The following AGTPBP1 variants were observed in gnomAD, a reference collection of about 807,000 sequenced individuals.
AGTPBP1 encodes the protein ATP/GTP binding carboxypeptidase 1.
A neutral mutation model predicts 143.9 loss-of-function variants in AGTPBP1; 70 were observed. The ratio of observed to expected loss-of-function variants is 0.49; its 90% CI spans 0.40 to 0.59. AGTPBP1 has a LOEUF of 0.59. AGTPBP1 is among the 20% of genes least tolerant of loss of function. The pLI is 0.00. For missense variants in AGTPBP1, 1,229 were observed against 1,464.5 expected (o/e 0.84, Z 2.62); for synonymous variants, 463 against 500.2 (o/e 0.93, Z 0.99).
At chr9:85,700,986 C>T (rs1836607937) in intron 2 of AGTPBP1, among the ~76,000 whole-genome samples, 2 of 151,782 alleles carry the variant, frequency 1.3e-5, no homozygotes, top group Admixed American at 6.6e-5. Context: ...GGCGCAATCT[C>T]GGCTCACTGC....
intron 18 of AGTPBP1, among the ~76,000 whole-genome samples, 167 bp downstream of exon 18, chr9:85,596,195 A>G (rs1252544880): frequency 1.3e-5 from 2 of 152,214 alleles, no homozygotes; most frequent in East Asian, 1.9e-4. Flanking sequence ...CATACACTCC[A>G]TAAGTGGATC....
At chr9:85,576,733 A>G (rs893485751) in intron 24 of AGTPBP1, among the ~76,000 whole-genome samples, 15 of 152,182 alleles carry the variant, frequency 9.9e-5, no homozygotes, top group African/African-American at 3.4e-4. Flanking sequence ...TTGGGAATAT[A>G]TGGGAGCTCT....
chr9:85,698,609 C>T (rs1228809176), intron 2 of AGTPBP1, among the ~76,000 whole-genome samples: 1 of 146,468 alleles, frequency 6.8e-6, no homozygotes, highest in South Asian at 2.2e-4. Flanking sequence ...ATTTGAGATA[C>T]TACACTGCAA....
At chr9:85,606,615 T>C (rs1041198394) in intron 17 of AGTPBP1, among the ~76,000 whole-genome samples, 3 of 152,110 alleles carry the variant, frequency 2.0e-5, no homozygotes, top group Admixed American at 6.5e-5. Flanking sequence ...CCCATGTTTA[T>C]TGTAGCACTA....
At chr9:85,771,803 C>T in the AGTPBP1 span, among the ~76,000 whole-genome samples, 17 of 151,454 alleles carry the variant, frequency 1.1e-4, no homozygotes, top group Non-Finnish European at 7.4e-5. Context: ...AAGTGCCCGC[C>T]ACCACGCCTG....
At chr9:85,673,784 C>T (rs1463979978) in intron 6 of AGTPBP1, among the ~76,000 whole-genome samples, 2 of 152,020 alleles carry the variant, frequency 1.3e-5, no homozygotes, top group Non-Finnish European at 2.9e-5. Flanking sequence ...GAAATCTGCA[C>T]TTGTACTCCA....
chr9:85,788,738 T>C, the AGTPBP1 span, among the ~76,000 whole-genome samples: 1 of 150,014 alleles, frequency 6.7e-6, no homozygotes, highest in African/African-American at 2.4e-5. Flanking sequence ...TTATTTAATA[T>C]GATTTTATAT....
the AGTPBP1 span, among the ~76,000 whole-genome samples, chr9:85,766,309 G>C: frequency 6.6e-6 from 1 of 152,058 alleles, no homozygotes; most frequent in South Asian, 2.1e-4. Flanking sequence ...GATCATTTGG[G>C]GGAAGATTCA....
At chr9:85,783,722 C>T in the AGTPBP1 span, among the ~76,000 whole-genome samples, 91 of 152,150 alleles carry the variant, frequency 6.0e-4, no homozygotes, top group South Asian at 9.1e-3. Context: ...GCAGCCTCTA[C>T]CTCCAAGGTT....
chr9:85,741,079 C>T (rs867637243), intron 1 of AGTPBP1, among the ~76,000 whole-genome samples: 1 of 152,286 alleles, frequency 6.6e-6, no homozygotes, highest in Middle Eastern at 3.4e-3. Flanking sequence ...AGTCCTTGAA[C>T]ACTTGCAATT....
the AGTPBP1 span, among the ~76,000 whole-genome samples, chr9:85,776,095 T>A: frequency 6.6e-6 from 1 of 152,228 alleles, no homozygotes; most frequent in Non-Finnish European, 1.5e-5. Flanking sequence ...AATACAACTA[T>A]CCTTCGTACA....
At chr9:85,673,983 C>T (rs1834658854) in intron 6 of AGTPBP1, among the ~76,000 whole-genome samples, 1 of 151,426 alleles carries the variant, frequency 6.6e-6, no homozygotes, top group Admixed American at 6.6e-5. Context: ...ATTAGCCAGG[C>T]GTGGTGGCGG....
At chr9:85,740,135 C>G (rs1353177032) in intron 1 of AGTPBP1, among the ~76,000 whole-genome samples, 1 of 152,172 alleles carries the variant, frequency 6.6e-6, no homozygotes, top group Non-Finnish European at 1.5e-5. Flanking sequence ...AAGAATGCCT[C>G]AATTCGGAAA....
rs1587880969 is a variant in AGTPBP1, at chr9:85,677,567, A to T, written c.305T>A (p.Val102Glu). 6.5e-7 allele frequency: 1 copy of T among 1,545,040 alleles called. No homozygotes were observed. The highest frequency in any genetic ancestry group is 8.7e-7 in the Non-Finnish European group (1 of 1,153,850). Residue 102 changes from valine (V) to glutamate (E), a missense_variant, in exon 6 of 26, where the codon GTG (valine) becomes GAG (glutamate). Transcript: ENST00000357081. ...ACCACCTTTGGTGACTAAGAAACTC[A>T]CTCTTCGACCTCCACCTAAAAATTA... is the stretch of plus-strand genomic sequence containing the variant. ...ELVSAGGGRR[V>E]SFLVTKGGSQ...
At chr9:85,569,126 T>C (rs931924098) in intron 25 of AGTPBP1, among the ~76,000 whole-genome samples, 1 of 152,140 alleles carries the variant, frequency 6.6e-6, no homozygotes, top group Non-Finnish European at 1.5e-5. Context: ...ACACCACCCC[T>C]GTTTCCCCCC....
chr9:85,591,139 T>TA (rs1278602238), intron 19 of AGTPBP1, among the ~76,000 whole-genome samples: 2 of 148,760 alleles, frequency 1.3e-5, no homozygotes, highest in Non-Finnish European at 3.0e-5. Context: ...AAAGTCTATT[T>TA]AAAGATAAAT....
At chr9:85,602,837 T>C (rs1275884460) in intron 17 of AGTPBP1, among the ~76,000 whole-genome samples, 1 of 152,188 alleles carries the variant, frequency 6.6e-6, no homozygotes, top group Non-Finnish European at 1.5e-5. Flanking sequence ...GAGCAGAGAA[T>C]CTGTGTGCTT....
intron 2 of AGTPBP1, among the ~76,000 whole-genome samples, chr9:85,711,202 T>C (rs2134470903): frequency 6.6e-6 from 1 of 152,320 alleles, no homozygotes; most frequent in East Asian, 1.9e-4. Context: ...TTCACAGCCT[T>C]ATAATAACAG....
At chr9:85,801,385 G>A in the AGTPBP1 span, among the ~76,000 whole-genome samples, 5 of 152,138 alleles carry the variant, frequency 3.3e-5, no homozygotes, top group South Asian at 2.1e-4. Flanking sequence ...GAGATGTTCT[G>A]ATACAGGCAT....
Sources: allele counts gnomAD v4.1 joint callset (sites outside exome capture counted in the v4.1 genomes callset), GRCh38; gene constraint gnomAD v4.1.1; transcripts MANE v1.5; gene names NCBI Gene and HGNC (gene_info 2026-07-23, HGNC 2026-07-21).